DTNB: variants seen among roughly 807,000 people sequenced by gnomAD.
DTNB encodes DTN-B.
A neutral mutation model predicts 90.7 loss-of-function variants in DTNB; 63 were observed. The ratio of observed to expected loss-of-function variants is 0.69; its 90% CI spans 0.57 to 0.86. The LOEUF (loss-of-function observed/expected upper bound fraction) is 0.86. Among genes scored for constraint, DTNB ranks in the 40% least tolerant of loss-of-function variants. DTNB has a pLI of 0.00. For missense variants in DTNB, 744 were observed against 807.1 expected (o/e 0.92, Z 0.95); for synonymous variants, 277 against 286.7 (o/e 0.97, Z 0.34).
intron 12 of DTNB, among the ~76,000 whole-genome samples, chr2:25,449,961 A>C (rs1219810173): frequency 6.6e-6 from 1 of 151,788 alleles, no homozygotes; most frequent in Non-Finnish European, 1.5e-5. Context: ...ATGGGGTTTC[A>C]CCGTGTTAGC....
rs61510690 is a variant in DTNB at position 25,571,466 on chromosome 2, G to A, written c.876+5372C>T. Among the ~76,000 whole-genome samples, 991 of 152,212 alleles carry A rather than the reference G, an allele frequency of 6.5e-3. 12 individuals carry two copies. Among genetic ancestry groups the A allele is most frequent in the African/African-American group, 0.023 (942 of 41,530 alleles). ...ACCTTGTCTCCTACAATCCTCCCCT[G>A]CTCATTGCATTCTGGCCATGCTGGC... is the stretch of plus-strand genomic sequence containing the variant. On this transcript the variant is annotated intron_variant, in intron 8 of 20. Transcript: ENST00000406818.
At position 25,663,665 on chromosome 2, in the gene DTNB, C is replaced by T. The variant is rs531914012; in HGVS notation, c.-2+9721G>A. Among the ~76,000 whole-genome samples, 3 of 152,236 alleles carry T rather than the reference C, an allele frequency of 2.0e-5. No individual in the cohort carries two copies. In the South Asian group the frequency reaches 6.2e-4, roughly 32 times the overall value. ...ATTTCCATATATTTTATTATTGAAA[C>T]AGAGTATACCAAATACCATAAGCTC... On this transcript the variant is annotated intron_variant, in intron 1 of 20. Coordinates refer to ENST00000406818, the MANE Select transcript of DTNB (RefSeq NM_021907.5).
intron 6 of DTNB, among the ~76,000 whole-genome samples, chr2:25,581,927 C>A (rs2148215293): frequency 6.6e-6 from 1 of 152,338 alleles, no homozygotes; most frequent in Non-Finnish European, 1.5e-5. Context: ...GTCCTGATCC[C>A]ACCATTCAGA....
intron 9 of DTNB, among the ~76,000 whole-genome samples, chr2:25,486,185 G>C (rs2150413104): frequency 6.6e-6 from 1 of 152,034 alleles, no homozygotes; most frequent in Admixed American, 6.5e-5. Flanking sequence ...CCTGCTGGCT[G>C]GGCACAGTGG....
chr2:25,461,234 T>G (rs922698442), intron 10 of DTNB, among the ~76,000 whole-genome samples: 2 of 152,198 alleles, frequency 1.3e-5, no homozygotes, highest in Non-Finnish European at 2.9e-5. Context: ...GAACCAGTAT[T>G]GTTTGTCATA....
intron 12 of DTNB, among the ~76,000 whole-genome samples, chr2:25,439,663 A>C (rs2150032223): frequency 6.6e-6 from 1 of 152,336 alleles, no homozygotes; most frequent in Non-Finnish European, 1.5e-5. Context: ...GAATGAAAGT[A>C]GGGAGACGAA....
chr2:25,576,819 T>G lies in DTNB; in HGVS notation c.876+19A>C, dbSNP rs751079064. On this transcript the variant is annotated intron_variant, in intron 8 of 20. Coordinates refer to ENST00000406818, the MANE Select transcript of DTNB (RefSeq NM_021907.5). Reference sequence around the variant, plus strand: ...ACAGATTAACACTCAGGGACACAGATGAAACACAAAGCAGTTACCCAAGAG... The same window carrying G: ...ACAGATTAACACTCAGGGACACAGAGGAAACACAAAGCAGTTACCCAAGAG... The G allele has an allele frequency of 3.7e-6, 6 of 1,602,942 alleles. No individual in the cohort carries two copies. The highest frequency in any genetic ancestry group is 5.1e-6 in the Non-Finnish European group (6 of 1,174,226).
At chr2:25,398,110 A>G (rs2042869294) in intron 16 of DTNB, among the ~76,000 whole-genome samples, 1 of 152,188 alleles carries the variant, frequency 6.6e-6, no homozygotes, top group African/African-American at 2.4e-5. Flanking sequence ...ATACTTTGAT[A>G]TTGAAATGAT....
intron 1 of DTNB, among the ~76,000 whole-genome samples, chr2:25,656,575 T>A (rs2082105673): frequency 6.6e-6 from 1 of 152,188 alleles, no homozygotes; most frequent in South Asian, 2.1e-4. Flanking sequence ...ATTTCCTTCC[T>A]CATAATCACG....
chr2:25,480,380 T>C (rs1038235211), intron 10 of DTNB, among the ~76,000 whole-genome samples: 1 of 152,168 alleles, frequency 6.6e-6, no homozygotes, highest in African/African-American at 2.4e-5. Flanking sequence ...AAACACTGAC[T>C]TTAAGATGAA....
intron 14 of DTNB, among the ~76,000 whole-genome samples, chr2:25,432,206 T>TACAC (rs60610400): frequency 0.14 from 21,038 of 146,268 alleles, 1,546 homozygotes; most frequent in Non-Finnish European, 0.17. Context: ...GAAGAGTGCG[T>TACAC]ACACACACAC....
chr2:25,422,921 G>A (rs1165426458), intron 15 of DTNB, among the ~76,000 whole-genome samples: 2 of 152,082 alleles, frequency 1.3e-5, no homozygotes, highest in Non-Finnish European at 2.9e-5. Context: ...AAGAATAAAG[G>A]GTGGCTCACG....
chr2:25,533,952 A>G (rs1180407683), intron 8 of DTNB, among the ~76,000 whole-genome samples: 1 of 148,996 alleles, frequency 6.7e-6, no homozygotes, highest in Admixed American at 6.6e-5. Flanking sequence ...TTATTTATTT[A>G]TTTATTTATT....
intron 16 of DTNB, among the ~76,000 whole-genome samples, chr2:25,396,796 C>T (rs890040968): frequency 2.0e-5 from 3 of 147,614 alleles, no homozygotes; most frequent in Admixed American, 6.7e-5. Flanking sequence ...TCTGCAGTAT[C>T]ATTAATGTTC....
At chr2:25,575,208 C>A (rs2060467505) in intron 8 of DTNB, among the ~76,000 whole-genome samples, 1 of 150,874 alleles carries the variant, frequency 6.6e-6, no homozygotes. Flanking sequence ...AAAAACTATC[C>A]CAGTGTAAAG....
At chr2:25,519,308 T>C (rs1056338497) in intron 9 of DTNB, among the ~76,000 whole-genome samples, 1 of 151,364 alleles carries the variant, frequency 6.6e-6, no homozygotes, top group Admixed American at 6.6e-5. Context: ...GAGGTTACAA[T>C]GAGCTGTGAT....
At chr2:25,662,681 A>ACACACACAAACAC (rs35419647) in intron 1 of DTNB, among the ~76,000 whole-genome samples, 38 of 104,528 alleles carry the variant, frequency 3.6e-4, no homozygotes, top group East Asian at 2.2e-3. Flanking sequence ...CACACACACA[A>ACACACACAAACAC]ACACACACAC....
At chr2:25,471,585 A>G (rs2062819077) in intron 10 of DTNB, among the ~76,000 whole-genome samples, 1 of 152,040 alleles carries the variant, frequency 6.6e-6, no homozygotes, top group South Asian at 2.1e-4. Flanking sequence ...TCGTTGAGAC[A>G]GGGTTTCGCT....
chr2:25,408,576 C>T (rs2149705906), intron 16 of DTNB, among the ~76,000 whole-genome samples: 1 of 144,808 alleles, frequency 6.9e-6, no homozygotes, highest in Middle Eastern at 3.6e-3. Flanking sequence ...ACCACTTTAG[C>T]TGCAGTTAAC....
Sources: gnomAD v4.1 joint callset for allele counts (sites outside exome capture counted in the v4.1 genomes callset) on GRCh38, gnomAD v4.1.1 for gene constraint, MANE v1.5 for transcripts, NCBI Gene and HGNC (gene_info 2026-07-23, HGNC 2026-07-21) for gene names.